Variants in RNF212 observed in about 807,000 individuals in gnomAD.
The protein encoded by RNF212 is probable E3 SUMO-protein ligase RNF212.
In RNF212, 33 loss-of-function variants were observed where a neutral mutation model predicts 34.7. The ratio of observed to expected loss-of-function variants is 0.95; its 90% CI spans 0.72 to 1.27. The LOEUF is 1.27. Among genes scored for constraint, RNF212 ranks in the 50% most tolerant of loss-of-function variants. RNF212 has a pLI of 0.00. For missense variants in RNF212, 377 were observed against 362.2 expected, an observed-to-expected ratio of 1.04 and a Z score of -0.33; for synonymous variants, 140 against 136.1, an observed-to-expected ratio of 1.03 and a Z score of -0.20.
At position 1,073,781 on chromosome 4, in the gene RNF212, C is replaced by T. The variant is rs1041368556; in HGVS notation, c.511-119G>A. On this transcript the variant is annotated intron_variant, in intron 8 of 9. Transcript: ENST00000433731. ...AACCCCATCTCCCTCATCTTTATCG[C>T]CCTCTGACAAGTTCCTGTCTAACTT... The T allele has an allele frequency of 7.1e-6, 5 of 708,240 alleles. No individual in the cohort carries two copies. The East Asian group carries it at 1.3e-4, about 19-fold the overall frequency. The allele number at this position is 708,240 out of a possible 1,614,324, so 43.9% of individuals were successfully genotyped here. A position where few individuals can be genotyped will look rare whatever the true frequency, so the allele number is the denominator to read the frequency against.
chr4:1,070,697 G>A (rs1718417244), downstream of RNF212, among the ~76,000 whole-genome samples: 1 of 152,192 alleles, frequency 6.6e-6, no homozygotes, highest in South Asian at 2.1e-4. Flanking sequence ...GTGTCAACGT[G>A]GGTGCCTGGC....
At position 1,072,985 on chromosome 4, in the gene RNF212, C is replaced by A. The variant is rs979009493; in HGVS notation, c.783G>T (p.Arg261Ser). 1.9e-6 allele frequency: 3 copies of A among 1,614,032 alleles called. No individual in the cohort carries two copies. In the Admixed American group the frequency reaches 5.0e-5, roughly 27 times the overall value. The part of the protein sequence containing the change: ...KTLPIYAEVQ[R>S]AVLFPFQQAE... ...CCTGCTGGAACGGAAACAAGACGGC[C>A]CTTTGTACCTCAGCATATATTGGAA... Residue 261 changes from arginine (R) to serine (S), a missense_variant, in exon 10 of 10, where the codon AGG (arginine) becomes AGT (serine). Arg to Ser is a moderately radical substitution (Grantham distance 110). Transcript: ENST00000433731.
intron 8 of RNF212, among the ~76,000 whole-genome samples, chr4:1,078,135 C>T (rs1030261700): frequency 2.6e-5 from 4 of 152,206 alleles, no homozygotes; most frequent in East Asian, 1.9e-4. Flanking sequence ...ATAAAGGGCT[C>T]GGAACAGTGC....
chr4:1,113,279 G>A, intron 1 of RNF212, 77 bp downstream of exon 1: 3 of 27,220 alleles, frequency 1.1e-4, no homozygotes, highest in South Asian at 2.9e-4. Flanking sequence ...TCCCACCCAA[G>A]TCCCCCATCC....
At chr4:1,080,066 G>A (rs1057399302) in intron 7 of RNF212, among the ~76,000 whole-genome samples, 1 of 152,168 alleles carries the variant, frequency 6.6e-6, no homozygotes, top group Admixed American at 6.5e-5. Flanking sequence ...GTGGGATCCC[G>A]AATTGACTTC....
chr4:1,098,758 C>A (rs1378041852), intron 2 of RNF212, among the ~76,000 whole-genome samples: 1 of 152,214 alleles, frequency 6.6e-6, no homozygotes, highest in Non-Finnish European at 1.5e-5. Flanking sequence ...CCCCCTCAGC[C>A]CCGGCCATGG....
intron 3 of RNF212, among the ~76,000 whole-genome samples, chr4:1,059,408 G>A (rs1377108844): frequency 6.6e-6 from 1 of 151,998 alleles, no homozygotes; most frequent in Non-Finnish European, 1.5e-5. Flanking sequence ...TTGGCATCTG[G>A]AGGCTTGTGG....
At chr4:1,075,652 T>C (rs1719178177) in intron 8 of RNF212, among the ~76,000 whole-genome samples, 1 of 152,212 alleles carries the variant, frequency 6.6e-6, no homozygotes, top group Non-Finnish European at 1.5e-5. Context: ...ATCTAAACTA[T>C]ATCAGCTGGT....
intron 3 of RNF212, among the ~76,000 whole-genome samples, chr4:1,058,588 A>C (rs1397140898): frequency 6.6e-6 from 1 of 152,060 alleles, no homozygotes; most frequent in Non-Finnish European, 1.5e-5. Context: ...CCAACACGAC[A>C]CTCTGAGAAG....
chr4:1,070,451 C>T (rs556324428), downstream of RNF212, among the ~76,000 whole-genome samples: 7 of 122,166 alleles, frequency 5.7e-5, no homozygotes, highest in African/African-American at 2.3e-4. Flanking sequence ...GCCTGAGTTA[C>T]GGGTGGTTTC....
chr4:1,109,833 C>A (rs945825919), intron 1 of RNF212, among the ~76,000 whole-genome samples: 1 of 152,346 alleles, frequency 6.6e-6, no homozygotes, highest in East Asian at 1.9e-4. Flanking sequence ...ACTTGTGTAT[C>A]CATACTCGCC....
downstream of RNF212, among the ~76,000 whole-genome samples, chr4:1,070,771 C>T (rs374861387): frequency 7.9e-5 from 12 of 152,236 alleles, no homozygotes; most frequent in East Asian, 5.8e-4. Context: ...GGCACCACAT[C>T]GGTAACATGC....
At position 1,073,120 on chromosome 4, in the gene RNF212, A is replaced by G. The variant is rs753604865; in HGVS notation, c.648T>C (p.Cys216=). The G allele has an allele frequency of 1.9e-6, 3 of 1,614,058 alleles. No individual in the cohort carries two copies. The highest frequency in any genetic ancestry group is 2.5e-6 in the Non-Finnish European group (3 of 1,180,046). ...TLSKPPVPGE[C]VISRGSPCFC... ...AACATGGTGAACCTCTGGAAATGACACACTCTCCGGGCACAGGGGGCTTAG... is the reference window on the plus strand; with the variant it reads ...AACATGGTGAACCTCTGGAAATGACGCACTCTCCGGGCACAGGGGGCTTAG... Residue 216 remains cysteine (C), a synonymous_variant, in exon 10 of 10, where the codon TGT becomes TGC. Coordinates refer to ENST00000433731, the MANE Select transcript of RNF212 (RefSeq NM_001131034.4).
chr4:1,109,498 T>C (rs1725326638), intron 1 of RNF212, among the ~76,000 whole-genome samples: 1 of 152,150 alleles, frequency 6.6e-6, no homozygotes, highest in Non-Finnish European at 1.5e-5. Context: ...TGTCCCCTCC[T>C]CTGGGCCAGT....
At chr4:1,069,035 C>T (rs1260816734), downstream of RNF212, among the ~76,000 whole-genome samples, 1 of 152,092 alleles carries the variant, frequency 6.6e-6, no homozygotes, top group African/African-American at 2.4e-5. Context: ...TGGCGAAACT[C>T]CATCTCTACT....
chr4:1,072,652 A>G lies in RNF212; in HGVS notation c.*222T>C. On this transcript the variant is annotated 3_prime_UTR_variant, in exon 10 of 10. Coordinates refer to ENST00000433731, the MANE Select transcript of RNF212 (RefSeq NM_001131034.4). ...CTCCCTAAGCATGAGAACCTATAAAATAAAAGGGATAATAACAATATATAT... is the reference window on the plus strand; with the variant it reads ...CTCCCTAAGCATGAGAACCTATAAAGTAAAAGGGATAATAACAATATATAT... The G allele has an allele frequency of 5.3e-6, 6 of 1,121,866 alleles. No homozygotes were observed. Among genetic ancestry groups the G allele is most frequent in the Non-Finnish European group, 6.8e-6 (6 of 884,028 alleles). The allele number at this position is 1,121,866 out of a possible 1,614,324, so 69.5% of individuals were successfully genotyped here. A position where few individuals can be genotyped will look rare whatever the true frequency, so the allele number is the denominator to read the frequency against.
chr4:1,098,308 AT>A (rs1723381353), intron 2 of RNF212, among the ~76,000 whole-genome samples: 1 of 152,222 alleles, frequency 6.6e-6, no homozygotes, highest in Non-Finnish European at 1.5e-5. Flanking sequence ...AGGAAATGAT[AT>A]CTTGAATTGA....
intron 3 of RNF212, chr4:1,058,548 G>A (rs576627275): frequency 7.2e-5 from 12 of 165,940 alleles, no homozygotes; most frequent in Middle Eastern, 1.4e-3. Flanking sequence ...AGGCACGCGG[G>A]GTCCTCTTAG....
chr4:1,083,435 G>A (rs940236276), intron 5 of RNF212, among the ~76,000 whole-genome samples: 46 of 152,258 alleles, frequency 3.0e-4, no homozygotes, highest in South Asian at 2.1e-4. Flanking sequence ...CTGAGGTCAG[G>A]AGTTCGAAAC....
Sources: allele counts gnomAD v4.1 joint callset (sites outside exome capture counted in the v4.1 genomes callset), GRCh38; gene constraint gnomAD v4.1.1; transcripts MANE v1.5; gene names NCBI Gene and HGNC (gene_info 2026-07-23, HGNC 2026-07-21).